Variants in UGT1A5 observed in about 807,000 individuals in gnomAD.
UGT1A5 encodes the protein UDP glucuronosyltransferase family 1 member A5.
In UGT1A5, 29 loss-of-function variants were observed where a neutral mutation model predicts 40.3. That is an observed-to-expected ratio of 0.72 (90% confidence interval 0.54 to 0.98). The LOEUF is 0.98. Ranked by LOEUF, UGT1A5 falls within the 50% of genes least tolerant of loss-of-function variation. The probability of loss-of-function intolerance (pLI) is 0.00; values close to 1 mark genes in which losing one functional copy is unlikely to be tolerated. For missense variants in UGT1A5, 678 were observed against 677.9 expected, an observed-to-expected ratio of 1.00 and a Z score of 0.00; for synonymous variants, 257 against 262.5, an observed-to-expected ratio of 0.98 and a Z score of 0.20.
At position 233,726,533 on chromosome 2, in the gene UGT1A5, T is replaced by A. The variant is rs137884308; in HGVS notation, c.867+12675T>A. 1.1e-3 allele frequency among the ~76,000 whole-genome samples: 170 copies of A among 152,338 alleles called. 1 individual carries two copies. Among genetic ancestry groups the A allele is most frequent in the African/African-American group, 3.9e-3 (162 of 41,582 alleles). On this transcript the variant is annotated intron_variant, in intron 1 of 4. Coordinates refer to ENST00000373414, the MANE Select transcript of UGT1A5 (RefSeq NM_019078.2). ...TGGTACTTTTCCACTTTTAGGGAGATGCAGTGCAGCGTCTTCAAGTCTCCC... is the reference window on the plus strand; with the variant it reads ...TGGTACTTTTCCACTTTTAGGGAGAAGCAGTGCAGCGTCTTCAAGTCTCCC...
chr2:233,757,608 A>G (rs1273740652), intron 1 of UGT1A5, among the ~76,000 whole-genome samples: 6 of 144,098 alleles, frequency 4.2e-5, no homozygotes, highest in Non-Finnish European at 9.0e-5. Flanking sequence ...AGATATGCAA[A>G]CTGCTAAAAG....
At position 233,729,883 on chromosome 2, in the gene UGT1A5, TC is replaced by T. The variant is rs771925903; in HGVS notation, c.867+16026del. ...AGTGGTGGATATTCTCAGTCATGCA[TC>T]TGTGTGGCTGTTCCGAGGGGACTTT... On this transcript the variant is annotated intron_variant, in intron 1 of 4. Transcript: ENST00000373414. The T allele has an allele frequency of 6.2e-6, 10 of 1,613,824 alleles. No individual in the cohort carries two copies. In the African/African-American group the frequency reaches 1.3e-4, roughly 22 times the overall value.
At chr2:233,715,249 A>T (rs577425759) in intron 1 of UGT1A5, among the ~76,000 whole-genome samples, 3 of 152,282 alleles carry the variant, frequency 2.0e-5, no homozygotes, top group East Asian at 1.9e-4. Context: ...GATGTCTTTT[A>T]AAAAATCCCC....
intron 1 of UGT1A5, among the ~76,000 whole-genome samples, chr2:233,753,922 T>C (rs1212078671): frequency 6.6e-6 from 1 of 152,180 alleles, no homozygotes; most frequent in African/African-American, 2.4e-5. Flanking sequence ...TTCAGCTCAG[T>C]GATATGGGAT....
At chr2:233,765,205 T>G (rs540441075) in intron 1 of UGT1A5, among the ~76,000 whole-genome samples, 9 of 152,292 alleles carry the variant, frequency 5.9e-5, no homozygotes, top group African/African-American at 2.2e-4. Flanking sequence ...ATTAGTGCCC[T>G]CAGTATTCTT....
intron 1 of UGT1A5, chr2:233,717,728 T>C (rs1450315023): frequency 2.2e-6 from 1 of 456,056 alleles, no homozygotes; most frequent in Non-Finnish European, 4.4e-6. Flanking sequence ...CATGAGACCA[T>C]TGTGAGTGCT....
At position 233,757,558 on chromosome 2, in the gene UGT1A5, A is replaced by G. The variant is rs1013342289; in HGVS notation, c.868-9476A>G. ...GGAATATATATATATATATATATAT[A>G]TATGTATATATGATATAGCTATAGT... On this transcript the variant is annotated intron_variant, in intron 1 of 4. Transcript: ENST00000373414. Among the ~76,000 whole-genome samples the G allele has an allele frequency of 6.8e-4, 85 of 124,456 alleles. 2 individuals carry two copies. Among genetic ancestry groups the G allele is most frequent in the Admixed American group, 2.1e-3 (27 of 12,944 alleles). 81.6% of individuals were successfully genotyped at this position (124,456 alleles called of 152,430 possible).
At chr2:233,724,279 G>T (rs1430028213) in intron 1 of UGT1A5, among the ~76,000 whole-genome samples, 8 of 142,700 alleles carry the variant, frequency 5.6e-5, no homozygotes, top group Non-Finnish European at 1.1e-4. Flanking sequence ...CGGCTGGCCG[G>T]GCGGGGGGCT....
intron 1 of UGT1A5, among the ~76,000 whole-genome samples, chr2:233,727,988 A>C (rs1274314392): frequency 6.6e-6 from 1 of 152,262 alleles, no homozygotes; most frequent in Non-Finnish European, 1.5e-5. Context: ...AGGTGGCATC[A>C]GCAATCTTGT....
chr2:233,743,699 GC>G, intron 1 of UGT1A5: 2 of 1,367,268 alleles, frequency 1.5e-6, no homozygotes, highest in Non-Finnish European at 2.0e-6. Context: ...GCCGCCCTCC[GC>G]CCCCGCCTCG....
intron 1 of UGT1A5, chr2:233,741,926 GCATAACCTGTGC>G: frequency 6.6e-6 from 1 of 151,948 alleles, no homozygotes; most frequent in Non-Finnish European, 1.5e-5. Context: ...TTCATTTGGG[GCATAACCTGTGC>G]CAACAGAAAG....
At chr2:233,743,457 A>C in intron 1 of UGT1A5, 1 of 1,366,076 alleles carries the variant, frequency 7.3e-7, no homozygotes. Context: ...AAGAAGAAAA[A>C]ACACCCCCAA....
At chr2:233,731,900 A>G (rs2078218151) in intron 1 of UGT1A5, among the ~76,000 whole-genome samples, 1 of 152,238 alleles carries the variant, frequency 6.6e-6, no homozygotes. Flanking sequence ...CACTCCCACC[A>G]ATGGTGTAAA....
Position 233,773,207 on chromosome 2 carries a change from A to G in UGT1A5, c.*648A>G, listed in dbSNP as rs1436243452. On this transcript the variant is annotated 3_prime_UTR_variant, in exon 5 of 5. Coordinates refer to ENST00000373414, the MANE Select transcript of UGT1A5 (RefSeq NM_019078.2). ...TCAAATGGAGCTGAATTTGATAAAAACCCAAAATACAGCTATGAAGTGCTG... is the reference window on the plus strand; with the variant it reads ...TCAAATGGAGCTGAATTTGATAAAAGCCCAAAATACAGCTATGAAGTGCTG... 1 of 152,384 alleles carries G rather than the reference A, an allele frequency of 6.6e-6. No homozygotes were observed. The highest frequency in any genetic ancestry group is 2.4e-5 in the African/African-American group (1 of 41,416). The allele number at this position is 152,384 out of a possible 1,614,324, so 9.4% of individuals were successfully genotyped here. A position where few individuals can be genotyped will look rare whatever the true frequency, so the allele number is the denominator to read the frequency against.
intron 1 of UGT1A5, chr2:233,719,094 G>C (rs376370143): frequency 8.7e-6 from 14 of 1,614,082 alleles, no homozygotes; most frequent in Admixed American, 1.7e-5. Flanking sequence ...ATTTGATCGC[G>C]TTACGCTGGG....
chr2:233,769,464 CGTGT>C lies in UGT1A5; in HGVS notation c.1307+1037_1307+1040del, dbSNP rs145239529. ...GGGTGCACACGTGTGCATTCATATG[CGTGT>C]GTGTGTGTGTGCGTGTGTTTATGAG... On this transcript the variant is annotated intron_variant, in intron 4 of 4. Coordinates refer to ENST00000373414, the MANE Select transcript of UGT1A5 (RefSeq NM_019078.2). This position sits in a 1 kb window ranked among gnomAD's most constrained non-coding sequence, Gnocchi z 4.4. The C allele has an allele frequency of 5.3e-6, 8 of 1,502,902 alleles. No individual in the cohort carries two copies. The highest frequency in any genetic ancestry group is 6.4e-6 in the Non-Finnish European group (7 of 1,095,102). The allele number at this position is 1,502,902 out of a possible 1,614,324, so 93.1% of individuals were successfully genotyped here.
intron 1 of UGT1A5, among the ~76,000 whole-genome samples, chr2:233,734,140 A>T (rs2078490993): frequency 1.3e-5 from 2 of 152,148 alleles, no homozygotes; most frequent in Admixed American, 1.3e-4. Context: ...TTTGGCTGTG[A>T]ATCCATCTGG....
chr2:233,713,228 G>A lies in UGT1A5; in HGVS notation c.237G>A (p.Thr79=), dbSNP rs200357281. Residue 79 remains threonine, a synonymous_variant, in exon 1 of 5, where the codon ACG becomes ACA. Transcript: ENST00000373414. ...IKEENFFTLT[T]YAISWTQDEF... is the part of the protein sequence containing the mutation. ...AAGAGAACTTTTTCACCCTGACAACGTATGCCATTTCATGGACCCAGGACG... is the reference window on the plus strand; with the variant it reads ...AAGAGAACTTTTTCACCCTGACAACATATGCCATTTCATGGACCCAGGACG... 6.8e-6 allele frequency: 11 copies of A among 1,614,092 alleles called. No individual in the cohort carries two copies. The highest frequency in any genetic ancestry group is 3.3e-5 in the Admixed American group (2 of 60,010).
In UGT1A5 at chr2:233,729,406, C is replaced by T. The variant is rs761312102; in HGVS notation, c.867+15548C>T. 2.5e-6 allele frequency: 4 copies of T among 1,613,662 alleles called. No individual in the cohort carries two copies. The East Asian group carries it at 6.7e-5, about 27-fold the overall frequency. ...CCAGGATGAATTTGATCGCCATGTG[C>T]TGGGCCACACTCAACTGTACTTTGA... On this transcript the variant is annotated intron_variant, in intron 1 of 4. Coordinates refer to ENST00000373414, the MANE Select transcript of UGT1A5 (RefSeq NM_019078.2).
Sources: allele counts gnomAD v4.1 joint callset (sites outside exome capture counted in the v4.1 genomes callset), GRCh38; gene constraint gnomAD v4.1.1; non-coding constraint Gnocchi (gnomAD v3.1); transcripts MANE v1.5; gene names NCBI Gene and HGNC (gene_info 2026-07-23, HGNC 2026-07-21).